FGF14: variants seen among roughly 807,000 people sequenced by gnomAD.
FGF14 encodes the protein fibroblast growth factor homologous factor 4.
Under a neutral mutation model 25.5 loss-of-function variants are expected in FGF14, and 5 were observed. The observed-to-expected ratio is 0.20, with a 90% CI of 0.10 to 0.41. The LOEUF is 0.41. Among genes scored for constraint, FGF14 ranks in the 10% least tolerant of loss-of-function variants. FGF14 has a pLI of 1.00. For synonymous variants in FGF14, 138 were observed against 118.3 expected (o/e 1.17, Z -1.08); for missense variants, 222 against 320.1 (o/e 0.69, Z 2.34).
intron 3 of FGF14, among the ~76,000 whole-genome samples, chr13:101,781,589 T>C (rs1415046928): frequency 6.6e-6 from 1 of 152,196 alleles, no homozygotes; most frequent in Non-Finnish European, 1.5e-5. Context: ...ATGGAGTATC[T>C]TTCATTCTCA....
intron 1 of FGF14, among the ~76,000 whole-genome samples, chr13:102,003,610 G>T (rs1038274746): frequency 6.6e-6 from 1 of 150,572 alleles, no homozygotes; most frequent in Non-Finnish European, 1.5e-5. Context: ...TGTTGTTGTT[G>T]TCTGGGTGCT....
intron 1 of FGF14, among the ~76,000 whole-genome samples, chr13:102,124,471 T>A (rs768543987): frequency 9.2e-5 from 14 of 152,128 alleles, no homozygotes; most frequent in Non-Finnish European, 1.6e-4. Flanking sequence ...TATTAAAAAT[T>A]AGAAGAGACA....
intron 1 of FGF14, among the ~76,000 whole-genome samples, chr13:102,099,561 C>T (rs2044562286): frequency 6.6e-6 from 1 of 152,028 alleles, no homozygotes; most frequent in South Asian, 2.1e-4. Flanking sequence ...CATCTGCTGG[C>T]CCCATTTTTT....
chr13:102,328,445 T>G (rs1423212174), intron 1 of FGF14, among the ~76,000 whole-genome samples: 2 of 152,218 alleles, frequency 1.3e-5, no homozygotes, highest in Non-Finnish European at 2.9e-5. Flanking sequence ...TCTAAACATG[T>G]CTCTACCTCC....
intron 1 of FGF14, among the ~76,000 whole-genome samples, chr13:102,130,248 C>T (rs746445814): frequency 6.6e-6 from 1 of 152,116 alleles, no homozygotes; most frequent in Non-Finnish European, 1.5e-5. Flanking sequence ...GTAAATGAGT[C>T]CAAAATGGGT....
chr13:102,192,282 T>C (rs1345591943), intron 1 of FGF14, among the ~76,000 whole-genome samples: 1 of 152,192 alleles, frequency 6.6e-6, no homozygotes, highest in African/African-American at 2.4e-5. Flanking sequence ...CTTTATTTCA[T>C]CTCATTTGTT....
intron 1 of FGF14, among the ~76,000 whole-genome samples, chr13:102,363,260 T>C (rs990143498): frequency 5.3e-5 from 8 of 152,346 alleles, no homozygotes; most frequent in African/African-American, 1.9e-4. Context: ...GACCTCCAGT[T>C]ATTAGAGTTG....
chr13:101,746,393 A>G (rs1486591397), intron 3 of FGF14, among the ~76,000 whole-genome samples: 3 of 151,974 alleles, frequency 2.0e-5, no homozygotes, highest in African/African-American at 7.2e-5. Context: ...CTCAATTCAC[A>G]TGCTTCTCAG....
intron 1 of FGF14, among the ~76,000 whole-genome samples, chr13:102,077,998 C>A (rs897678880): frequency 6.6e-6 from 1 of 151,978 alleles, no homozygotes; most frequent in Admixed American, 6.6e-5. Flanking sequence ...CATGGATGAA[C>A]CTGGAAGACA....
intron 1 of FGF14, among the ~76,000 whole-genome samples, chr13:102,197,809 T>C (rs1311391756): frequency 6.6e-6 from 1 of 152,146 alleles, no homozygotes; most frequent in Admixed American, 6.5e-5. Flanking sequence ...TAGTTTTAGA[T>C]CATTACAAAA....
chr13:102,316,391 G>A (rs1031282055), intron 1 of FGF14, among the ~76,000 whole-genome samples: 20 of 152,100 alleles, frequency 1.3e-4, no homozygotes, highest in East Asian at 1.2e-3. Flanking sequence ...TAATTCGCTC[G>A]CCTGAATATT....
At chr13:102,143,472 T>C (rs2046731051) in intron 1 of FGF14, among the ~76,000 whole-genome samples, 1 of 152,182 alleles carries the variant, frequency 6.6e-6, no homozygotes, top group Non-Finnish European at 1.5e-5. Flanking sequence ...CTGAGGGGTA[T>C]GGTGAACATT....
At chr13:101,997,840 G>C (rs2039271326) in intron 1 of FGF14, among the ~76,000 whole-genome samples, 1 of 151,288 alleles carries the variant, frequency 6.6e-6, no homozygotes, top group South Asian at 2.1e-4. Flanking sequence ...CCCATTTTTT[G>C]AAGTTTTCTT....
intron 1 of FGF14, among the ~76,000 whole-genome samples, chr13:102,074,187 T>C (rs543114592): frequency 6.6e-6 from 1 of 151,972 alleles, no homozygotes; most frequent in Non-Finnish European, 1.5e-5. Context: ...TTTTAAAAAA[T>C]TTTTTTTGTA....
At chr13:102,365,570 C>T (rs901620191) in intron 1 of FGF14, among the ~76,000 whole-genome samples, 4 of 152,044 alleles carry the variant, frequency 2.6e-5, no homozygotes, top group Non-Finnish European at 4.4e-5. Flanking sequence ...GAAACTTTTG[C>T]GTTATCTTTG....
chr13:101,910,301 A>G (rs777953723), intron 1 of FGF14, among the ~76,000 whole-genome samples: 1 of 152,166 alleles, frequency 6.6e-6, no homozygotes, highest in East Asian at 1.9e-4. Context: ...TAATTATCCA[A>G]TTATAGCCAT....
intron 1 of FGF14, among the ~76,000 whole-genome samples, chr13:102,303,038 G>T (rs536576340): frequency 6.6e-6 from 1 of 152,212 alleles, no homozygotes; most frequent in South Asian, 2.1e-4. Flanking sequence ...AGAACATCCT[G>T]CTTCTCTGAC....
rs1307259836 is a variant in FGF14, at chr13:101,714,615, G to A, written c.*8216C>T. 13 of 970,336 alleles carry A rather than the reference G, an allele frequency of 1.3e-5. No homozygotes were observed. Among genetic ancestry groups the A allele is most frequent in the African/African-American group, 4.8e-5 (3 of 62,578 alleles). 60.1% of individuals were successfully genotyped at this position (970,336 alleles called of 1,614,324 possible). A position where few individuals can be genotyped will look rare whatever the true frequency, so the allele number is the denominator to read the frequency against. ...TTTGTTATAGAGCCAAGAGACACTC[G>A]TCATGCAATGCTTTAGGTGGCTGGA... On this transcript the variant is annotated 3_prime_UTR_variant, in exon 5 of 5. Transcript: ENST00000376143.
At chr13:102,305,798 T>C (rs1018037417) in intron 1 of FGF14, among the ~76,000 whole-genome samples, 6 of 152,120 alleles carry the variant, frequency 3.9e-5, no homozygotes, top group Admixed American at 3.3e-4. Context: ...ACAGATGAAA[T>C]AGGGTATACC....
Sources: gnomAD v4.1 joint callset for allele counts (sites outside exome capture counted in the v4.1 genomes callset) on GRCh38, gnomAD v4.1.1 for gene constraint, MANE v1.5 for transcripts, NCBI Gene and HGNC (gene_info 2026-07-23, HGNC 2026-07-21) for gene names.